The following EML1 variants were observed in gnomAD, a reference collection of about 807,000 sequenced individuals.
EML1 encodes echinoderm microtubule-associated protein-like 1.
EML1 carries 27 observed loss-of-function variants against 110.4 expected under a neutral mutation model. The ratio of observed to expected loss-of-function variants is 0.24; its 90% CI spans 0.18 to 0.34. The LOEUF is 0.34. Ranked by LOEUF, EML1 falls within the 10% of genes least tolerant of loss-of-function variation. The pLI, the probability that EML1 is intolerant of heterozygous loss-of-function variation, is 1.00. For synonymous variants in EML1, 344 were observed against 385.8 expected, an observed-to-expected ratio of 0.89 and a Z score of 1.27; for missense variants, 741 against 1,030.9, an observed-to-expected ratio of 0.72 and a Z score of 3.85.
intron 2 of EML1, among the ~76,000 whole-genome samples, chr14:99,852,390 A>G (rs190976079): frequency 2.2e-4 from 34 of 152,344 alleles, no homozygotes; most frequent in Admixed American, 1.9e-3. Flanking sequence ...TGAGGCGGTC[A>G]GATCACCTGA....
intron 1 of EML1, among the ~76,000 whole-genome samples, chr14:99,739,580 G>T (rs768293046): frequency 1.3e-5 from 2 of 152,144 alleles, no homozygotes; most frequent in African/African-American, 4.8e-5. Context: ...TGTCTGCCCT[G>T]GTGGGCAGGT....
chr14:99,789,218 A>AT (rs914117791), upstream of EML1, among the ~76,000 whole-genome samples: 21 of 151,598 alleles, frequency 1.4e-4, no homozygotes, highest in East Asian at 3.9e-4. Flanking sequence ...TCATTTATTT[A>AT]TTTTTTTTGA....
At chr14:99,737,832 C>A in exon 1 of EML1, 1 of 1,289,380 alleles carries the variant, frequency 7.8e-7, no homozygotes, top group South Asian at 1.2e-5. Context: ...TCTTCCACAC[C>A]ATGTCGGACG....
intron 6 of EML1, among the ~76,000 whole-genome samples, chr14:99,895,427 A>T (rs1057389459): frequency 3.9e-5 from 6 of 152,198 alleles, no homozygotes; most frequent in African/African-American, 1.4e-4. Flanking sequence ...TCAGGGACAG[A>T]TGGAAAACTA....
chr14:99,894,261 A>G (rs1338699790), intron 5 of EML1, among the ~76,000 whole-genome samples: 1 of 152,224 alleles, frequency 6.6e-6, no homozygotes, highest in Admixed American at 6.5e-5. Context: ...TTGAACTCAA[A>G]AACTTTAAGT....
chr14:99,909,054 C>A (rs2059904140), intron 10 of EML1, among the ~76,000 whole-genome samples: 1 of 152,186 alleles, frequency 6.6e-6, no homozygotes, highest in Non-Finnish European at 1.5e-5. Context: ...TGCATGCCCA[C>A]CCCATGCCTG....
intron 1 of EML1, among the ~76,000 whole-genome samples, chr14:99,828,939 A>G (rs1359291581): frequency 6.6e-6 from 1 of 152,146 alleles, no homozygotes; most frequent in Non-Finnish European, 1.5e-5. Context: ...AGGAAGAGGA[A>G]AGCATTGGTC....
chr14:99,907,222 A>C (rs1256206926), intron 9 of EML1: 2 of 162,220 alleles, frequency 1.2e-5, no homozygotes, highest in African/African-American at 2.4e-5. Flanking sequence ...CCAGCACTTT[A>C]GGAGTCTGAA....
chr14:99,919,210 G>T (rs1301533665), intron 16 of EML1, among the ~76,000 whole-genome samples: 1 of 151,996 alleles, frequency 6.6e-6, no homozygotes, highest in Non-Finnish European at 1.5e-5. Context: ...CATTTACTGT[G>T]GTTTCAGTCA....
intron 17 of EML1, among the ~76,000 whole-genome samples, chr14:99,927,533 C>G (rs1390274725): frequency 6.6e-6 from 1 of 152,076 alleles, no homozygotes; most frequent in Non-Finnish European, 1.5e-5. Context: ...GTGCCTAGAT[C>G]CATAAAGGTT....
intron 15 of EML1, chr14:99,914,936 C>T (rs2060008341): frequency 5.7e-6 from 3 of 528,586 alleles, no homozygotes; most frequent in East Asian, 7.5e-5. Flanking sequence ...AGAAGTTGTT[C>T]TTTCTGAGTT....
At chr14:99,821,989 G>C (rs541043651) in intron 1 of EML1, among the ~76,000 whole-genome samples, 3 of 152,224 alleles carry the variant, frequency 2.0e-5, no homozygotes, top group African/African-American at 2.4e-5. Flanking sequence ...ATGCTGCCAC[G>C]TGGCTGTGGA....
At chr14:99,865,982 A>G (rs527901603) in intron 3 of EML1, among the ~76,000 whole-genome samples, 14 of 152,248 alleles carry the variant, frequency 9.2e-5, no homozygotes, top group Non-Finnish European at 2.1e-4. Flanking sequence ...GAACATGGCA[A>G]AATTCAGATT....
intron 17 of EML1, among the ~76,000 whole-genome samples, chr14:99,922,074 G>A (rs1456249779): frequency 6.6e-6 from 1 of 152,178 alleles, no homozygotes; most frequent in Non-Finnish European, 1.5e-5. Context: ...TGTGCACAGA[G>A]CAGTACTATA....
chr14:99,860,336 AG>A (rs1361458181), intron 2 of EML1, among the ~76,000 whole-genome samples: 1 of 152,108 alleles, frequency 6.6e-6, no homozygotes, highest in Admixed American at 6.5e-5. Flanking sequence ...TCTGGAAGCT[AG>A]GGATCCATTT....
At chr14:99,801,817 C>T (rs2057886873) in intron 1 of EML1, among the ~76,000 whole-genome samples, 1 of 152,154 alleles carries the variant, frequency 6.6e-6, no homozygotes, top group Admixed American at 6.5e-5. Context: ...CTTCCTAACT[C>T]TAGTCTTCCA....
At chr14:99,751,174 C>T (rs1035437985) in intron 1 of EML1, among the ~76,000 whole-genome samples, 1 of 152,154 alleles carries the variant, frequency 6.6e-6, no homozygotes, top group East Asian at 1.9e-4. Context: ...GTCTGCCCCT[C>T]ACCTGCCTCC....
intron 1 of EML1, among the ~76,000 whole-genome samples, chr14:99,766,885 G>A (rs2057373708): frequency 1.3e-5 from 2 of 152,300 alleles, no homozygotes; most frequent in South Asian, 2.1e-4. Context: ...CTAATGGAGA[G>A]AGGCTGGCCA....
chr14:99,747,159 G>T (rs1232446247), intron 1 of EML1, among the ~76,000 whole-genome samples: 1 of 124,148 alleles, frequency 8.1e-6, no homozygotes, highest in Non-Finnish European at 1.6e-5. Context: ...CTGCACTCCA[G>T]CCTTGGTGGC....
Sources: allele counts gnomAD v4.1 joint callset (sites outside exome capture counted in the v4.1 genomes callset), GRCh38; gene constraint gnomAD v4.1.1; transcripts MANE v1.5; gene names NCBI Gene and HGNC (gene_info 2026-07-23, HGNC 2026-07-21).